MFSD12: variants seen among roughly 807,000 people sequenced by gnomAD.
MFSD12 encodes major facilitator superfamily domain containing 12.
A neutral mutation model predicts 51.2 loss-of-function variants in MFSD12; 67 were observed. The observed-to-expected ratio is 1.31, with a 90% CI of 1.08 to 1.60. The LOEUF is 1.60. MFSD12 is among the 40% of genes most tolerant of loss of function. The pLI is 0.00. For synonymous variants in MFSD12, 441 were observed against 316.7 expected (o/e 1.39, Z -4.17); for missense variants, 921 against 673.0 (o/e 1.37, Z -4.08).
intron 4 of MFSD12, 133 bp from the exon 5 acceptor site, chr19:3,547,680 G>T: frequency 1.7e-6 from 2 of 1,161,468 alleles, no homozygotes; most frequent in South Asian, 3.1e-5. Context: ...TGCCCAGTGG[G>T]GTGGGCCAGG....
chr19:3,556,359 C>T (rs1421457420), intron 1 of MFSD12, among the ~76,000 whole-genome samples: 1 of 152,248 alleles, frequency 6.6e-6, no homozygotes, highest in Non-Finnish European at 1.5e-5. Context: ...CAAACAAAGG[C>T]ATTCCCACTA....
In MFSD12 at chr19:3,551,231, C is replaced by T. The variant is rs2031461311; in HGVS notation, c.299-37G>A. On this transcript the variant is annotated intron_variant, in intron 1 of 9. Transcript: ENST00000355415. The surrounding 1 kb of genome is among the most constrained non-coding windows in gnomAD (Gnocchi z 4.6). Reference sequence around the variant, plus strand: ...AGAGTGGTCAGTCGCGGGGCTGTCCCGCACCAGCCAGGGCTCCCAGGGTGA... The same window carrying T: ...AGAGTGGTCAGTCGCGGGGCTGTCCTGCACCAGCCAGGGCTCCCAGGGTGA... The T allele has an allele frequency of 3.3e-6, 5 of 1,510,732 alleles. No individual in the cohort carries two copies. Among genetic ancestry groups the T allele is most frequent in the Admixed American group, 2.0e-5 (1 of 50,016 alleles). 93.6% of individuals were successfully genotyped at this position (1,510,732 alleles called of 1,614,324 possible). A position where few individuals can be genotyped will look rare whatever the true frequency, so the allele number is the denominator to read the frequency against.
downstream of MFSD12, chr19:3,541,620 G>GC (rs2030424914): frequency 1.0e-6 from 1 of 984,170 alleles, no homozygotes; most frequent in South Asian, 4.7e-5. Context: ...CGCACCCAGT[G>GC]CAAGACCCTA....
Position 3,547,593 on chromosome 19 carries a change from TCTC to T in MFSD12, c.838-49_838-47del, listed in dbSNP as rs758567819. 9 of 1,527,990 alleles carry T rather than the reference TCTC, an allele frequency of 5.9e-6. No homozygotes were observed. The South Asian group carries it at 7.0e-5, about 12-fold the overall frequency. 94.7% of individuals were successfully genotyped at this position (1,527,990 alleles called of 1,614,324 possible). A position where few individuals can be genotyped will look rare whatever the true frequency, so the allele number is the denominator to read the frequency against. ...GGACTGGCAGGGGTCAGGAGGGCCT[TCTC>T]CACTCCCACCAGCAGGGGGCACCGG... On this transcript the variant is annotated intron_variant, in intron 4 of 9. Transcript: ENST00000355415.
rs781302141 is a variant in MFSD12, at chr19:3,546,046, G to C, written c.1289+28C>G. 1.7e-5 allele frequency: 27 copies of C among 1,609,888 alleles called. No homozygotes were observed. The East Asian group carries it at 5.8e-4, about 35-fold the overall frequency. Reference sequence around the variant, plus strand: ...CTTAATCCCCTCTTACTGAACAAAAGAATGAATGAACGAACAGCGGCACTC... The same window carrying C: ...CTTAATCCCCTCTTACTGAACAAAACAATGAATGAACGAACAGCGGCACTC... On this transcript the variant is annotated intron_variant, in intron 8 of 9. Coordinates refer to ENST00000355415, the MANE Select transcript of MFSD12 (RefSeq NM_174983.5).
chr19:3,555,300 G>A (rs1376493582), intron 1 of MFSD12, among the ~76,000 whole-genome samples: 3 of 152,264 alleles, frequency 2.0e-5, no homozygotes, highest in African/African-American at 7.2e-5. Flanking sequence ...TAGAGACGGG[G>A]TTTTGCCATG....
chr19:3,547,578 G>A, intron 4 of MFSD12, 31 bp from the exon 5 acceptor site: 2 of 1,570,302 alleles, frequency 1.3e-6, no homozygotes, highest in Non-Finnish European at 1.7e-6. Context: ...GGACTGGCAG[G>A]GGTCAGGAGG....
downstream of MFSD12, chr19:3,544,055 G>A: frequency 6.7e-7 from 1 of 1,490,556 alleles, no homozygotes; most frequent in East Asian, 2.5e-5. Context: ...ACCCAGATGA[G>A]GGGGCACTAA....
intron 1 of MFSD12, among the ~76,000 whole-genome samples, chr19:3,555,603 G>A (rs2031690590): frequency 6.6e-6 from 1 of 152,140 alleles, no homozygotes. Flanking sequence ...CAGTCCCCAA[G>A]CTGTGCCTGC....
intron 1 of MFSD12, among the ~76,000 whole-genome samples, chr19:3,552,657 G>A (rs184743020): frequency 6.6e-6 from 1 of 151,150 alleles, no homozygotes; most frequent in African/African-American, 2.4e-5. Context: ...GCTAATGTTT[G>A]TATTTTTGGT....
chr19:3,543,471 C>A (rs758594874), downstream of MFSD12: 6 of 1,475,164 alleles, frequency 4.1e-6, no homozygotes, highest in African/African-American at 1.6e-5. Flanking sequence ...AGCATGCCAT[C>A]GGGTGAGTGC....
At chr19:3,543,631 G>A, downstream of MFSD12, 1 of 1,544,476 alleles carries the variant, frequency 6.5e-7, no homozygotes, top group Non-Finnish European at 8.7e-7. Flanking sequence ...CCAGCACCCG[G>A]TGGGGGAGCG....
intron 2 of MFSD12, among the ~76,000 whole-genome samples, chr19:3,550,212 C>G (rs529693858): frequency 1.9e-4 from 29 of 152,266 alleles, no homozygotes; most frequent in African/African-American, 7.0e-4. Context: ...CTCCCCCTAG[C>G]TCAGCCATGC....
At chr19:3,545,001 G>A (rs1456125183) in intron 8 of MFSD12, 62 bp from the exon 9 acceptor site, 21 of 1,528,406 alleles carry the variant, frequency 1.4e-5, no homozygotes, top group Non-Finnish European at 1.7e-5. Flanking sequence ...CACCCAAGCT[G>A]AACCTGTGCC....
intron 2 of MFSD12, among the ~76,000 whole-genome samples, chr19:3,548,730 G>A (rs1411922264): frequency 6.6e-6 from 1 of 152,186 alleles, no homozygotes; most frequent in Non-Finnish European, 1.5e-5. Flanking sequence ...CTCTCTTTCT[G>A]AAAGCGGGAA....
intron 2 of MFSD12, among the ~76,000 whole-genome samples, chr19:3,550,558 A>AT (rs1348874512): frequency 6.6e-6 from 1 of 151,946 alleles, no homozygotes; most frequent in East Asian, 1.9e-4. Flanking sequence ...CGCCCGGCTA[A>AT]TTTTTTGTAT....
chr19:3,553,034 C>T (rs904694602), intron 1 of MFSD12, among the ~76,000 whole-genome samples: 1 of 152,170 alleles, frequency 6.6e-6, no homozygotes, highest in African/African-American at 2.4e-5. Context: ...ACCCTGGGCC[C>T]GCCCCCAGAG....
At chr19:3,539,249 ACCG>A (rs1400366912), downstream of MFSD12, 25 of 1,548,980 alleles carry the variant, frequency 1.6e-5, no homozygotes, top group East Asian at 5.6e-4. Flanking sequence ...GCTTCCCAGC[ACCG>A]CTGTACAGGT....
At chr19:3,538,649 C>CGTGGGTGCGTG (rs113259909) in exon 5 of MFSD12, 261,280 of 468,384 alleles carry the variant, frequency 0.56, 78,309 homozygotes, top group East Asian at 0.84. Flanking sequence ...CGTTCCAGCA[C>CGTGGGTGCGTG]GGTGGCGGCG....
Sources: gnomAD v4.1 joint callset for allele counts (sites outside exome capture counted in the v4.1 genomes callset) on GRCh38, gnomAD v4.1.1 for gene constraint, Gnocchi (gnomAD v3.1) non-coding constraint, MANE v1.5 for transcripts, NCBI Gene and HGNC (gene_info 2026-07-23, HGNC 2026-07-21) for gene names.